The following SOX4 variants were observed in gnomAD, a reference collection of about 807,000 sequenced individuals.
SOX4 encodes the protein SRY-box transcription factor 4, also known as transcription factor SOX-4.
For missense variants in SOX4, 662 were observed against 694.9 expected, an observed-to-expected ratio of 0.95 and a Z score of 0.53; for synonymous variants, 465 against 348.4, an observed-to-expected ratio of 1.33 and a Z score of -3.73.
At position 21,595,043 on chromosome 6, in the gene SOX4, G is replaced by A; in HGVS notation, c.509G>A (p.Gly170Asp). 2.1e-6 allele frequency: 3 copies of A among 1,442,888 alleles called. No individual in the cohort carries two copies. Among genetic ancestry groups the A allele is most frequent in the Non-Finnish European group, 2.7e-6 (3 of 1,103,040 alleles). The allele number at this position is 1,442,888 out of a possible 1,614,324, so 89.4% of individuals were successfully genotyped here. A position where few individuals can be genotyped will look rare whatever the true frequency, so the allele number is the denominator to read the frequency against. The part of the protein sequence containing the change: ...GSGGGGHGGG[G>D]GGGSSNAGGG... The stretch of plus-strand genomic sequence containing the variant: ...GGCGGGGGCGGCCATGGGGGCGGCG[G>A]CGGCGGCGGGAGCAGCAACGCGGGG... Residue 170 changes from glycine (G) to aspartate (D), a missense_variant, in exon 1 of 1, where the codon GGC becomes GAC. Gly to Asp is a moderately conservative substitution (Grantham distance 94). Coordinates refer to ENST00000244745, the MANE Select transcript of SOX4 (RefSeq NM_003107.3).
rs1264513883 is a variant in SOX4, at chr6:21,594,532, G to T, written c.-3G>T. ...GCGCGTGGGCGCCCGCCGAGCCGAGGCCATGGTGCAGCAAACCAACAATGC... is the reference window on the plus strand; with the variant it reads ...GCGCGTGGGCGCCCGCCGAGCCGAGTCCATGGTGCAGCAAACCAACAATGC... On this transcript the variant is annotated 5_prime_UTR_variant, in exon 1 of 1. Transcript: ENST00000244745. 23 of 1,559,530 alleles carry T rather than the reference G, an allele frequency of 1.5e-5. No homozygotes were observed. The highest frequency in any genetic ancestry group is 1.9e-5 in the Non-Finnish European group (22 of 1,159,002).
At position 21,596,269 on chromosome 6, in the gene SOX4, CAAAA is replaced by C. The variant is rs796555280; in HGVS notation, c.*319_*322del. 4 of 149,486 alleles carry C rather than the reference CAAAA, an allele frequency of 2.7e-5. No homozygotes were observed. Among genetic ancestry groups the C allele is most frequent in the Non-Finnish European group, 4.6e-5 (3 of 65,728 alleles). The allele number at this position is 149,486 out of a possible 1,614,324, so 9.3% of individuals were successfully genotyped here. On this transcript the variant is annotated 3_prime_UTR_variant, in exon 1 of 1. Transcript: ENST00000244745. ...TTGTTATTGATGTTGTTGTTGATGGCAAAAAAAAAAAAGCGACTTCGAGTTTGCT... is the reference window on the plus strand; with the variant it reads ...TTGTTATTGATGTTGTTGTTGATGGCAAAAAAAAGCGACTTCGAGTTTGCT...
Position 21,596,186 on chromosome 6 carries a change from C to T in SOX4, c.*227C>T, listed in dbSNP as rs1763151405. The T allele has an allele frequency of 8.8e-6, 5 of 565,176 alleles. No homozygotes were observed. The highest frequency in any genetic ancestry group is 1.4e-5 in the Non-Finnish European group (5 of 357,368). The allele number at this position is 565,176 out of a possible 1,614,324, so 35.0% of individuals were successfully genotyped here. On this transcript the variant is annotated 3_prime_UTR_variant, in exon 1 of 1. Transcript: ENST00000244745. ...CACCTTCCCGGGCCGGGGACCCACT[C>T]TGCCCAGCCGGAGGGACGCGGAGGA...
In SOX4 at chr6:21,595,141, G is replaced by C; in HGVS notation, c.607G>C (p.Val203Leu). ...PAQKKSCGSK[V>L]AGGAGGGVSK... is the part of the protein sequence containing the mutation. ...GCAGAAAAAGAGCTGCGGCTCCAAA[G>C]TGGCGGGCGGCGCGGGCGGTGGGGT... The change falls in exon 1 of 1, where the codon GTG becomes CTG. Residue 203 changes from valine to leucine, a missense_variant. Coordinates refer to ENST00000244745, the MANE Select transcript of SOX4 (RefSeq NM_003107.3). The C allele has an allele frequency of 7.4e-7, 1 of 1,346,682 alleles. No individual in the cohort carries two copies. The highest frequency in any genetic ancestry group is 9.5e-7 in the Non-Finnish European group (1 of 1,057,348). 83.4% of individuals were successfully genotyped at this position (1,346,682 alleles called of 1,614,324 possible). A position where few individuals can be genotyped will look rare whatever the true frequency, so the allele number is the denominator to read the frequency against.
At position 21,596,549 on chromosome 6, in the gene SOX4, A is replaced by T. The variant is rs962474548; in HGVS notation, c.*590A>T. 6.0e-6 allele frequency: 1 copy of T among 166,966 alleles called. No individual in the cohort carries two copies. The highest frequency in any genetic ancestry group is 2.4e-5 in the African/African-American group (1 of 41,380). 10.3% of individuals were successfully genotyped at this position (166,966 alleles called of 1,614,324 possible). A position where few individuals can be genotyped will look rare whatever the true frequency, so the allele number is the denominator to read the frequency against. Reference sequence around the variant, plus strand: ...CGGGGTGACGAATTTGGCCGATGGCAGATGTTTTGGGGGAACGCCGGGACT... The same window carrying T: ...CGGGGTGACGAATTTGGCCGATGGCTGATGTTTTGGGGGAACGCCGGGACT... On this transcript the variant is annotated 3_prime_UTR_variant, in exon 1 of 1. Transcript: ENST00000244745.
Position 21,595,408 on chromosome 6 carries a change from A to G in SOX4, c.874A>G (p.Lys292Glu), listed in dbSNP as rs1269764904. ...CCCGGGCAAGCACCTGGCGGAGAAG[A>G]AGGTGAAGCGCGTCTACCTGTTCGG... The part of the protein sequence containing the change: ...AAPGKHLAEK[K>E]VKRVYLFGGL... Residue 292 changes from lysine to glutamate, a missense_variant, in exon 1 of 1, where the codon AAG becomes GAG. Transcript: ENST00000244745. 6 of 1,536,552 alleles carry G rather than the reference A, an allele frequency of 3.9e-6. No homozygotes were observed. Among genetic ancestry groups the G allele is most frequent in the Admixed American group, 3.8e-5 (2 of 52,776 alleles).
rs1763078794 is a variant in SOX4 at position 21,593,949 on chromosome 6, C to G, written c.-586C>G. 6.6e-6 allele frequency: 1 copy of G among 152,022 alleles called. No homozygotes were observed. The highest frequency in any genetic ancestry group is 2.4e-5 in the African/African-American group (1 of 41,394). The allele number at this position is 152,022 out of a possible 1,614,324, so 9.4% of individuals were successfully genotyped here. On this transcript the variant is annotated 5_prime_UTR_variant, in exon 1 of 1. Coordinates refer to ENST00000244745, the MANE Select transcript of SOX4 (RefSeq NM_003107.3). Reference sequence around the variant, plus strand: ...GCATGCAGGCTTTTTGGCTTCCTACCTTGCAACAAAATAATTGCACCAACT... The same window carrying G: ...GCATGCAGGCTTTTTGGCTTCCTACGTTGCAACAAAATAATTGCACCAACT...
rs765617011 is a variant in SOX4, at chr6:21,598,193, TATA to T, written c.*2237_*2239del. 1.6e-4 allele frequency: 27 copies of T among 167,130 alleles called. No individual in the cohort carries two copies. Among genetic ancestry groups the T allele is most frequent in the Non-Finnish European group, 3.5e-4 (24 of 68,106 alleles). The allele number at this position is 167,130 out of a possible 1,614,324, so 10.4% of individuals were successfully genotyped here. ...TTAATCCTTTCTACTTGTCGCTAAA[TATA>T]ATTGTTTTAGTCTTATGGCATGATG... is the stretch of plus-strand genomic sequence containing the variant. On this transcript the variant is annotated 3_prime_UTR_variant, in exon 1 of 1. Transcript: ENST00000244745.
At position 21,593,753 on chromosome 6, in the gene SOX4, T is replaced by G. The variant is rs1763072649; in HGVS notation, c.-782T>G. 1 of 152,380 alleles carries G rather than the reference T, an allele frequency of 6.6e-6. No individual in the cohort carries two copies. Among genetic ancestry groups the G allele is most frequent in the East Asian group, 1.9e-4 (1 of 5,180 alleles). 9.4% of individuals were successfully genotyped at this position (152,380 alleles called of 1,614,324 possible). A position where few individuals can be genotyped will look rare whatever the true frequency, so the allele number is the denominator to read the frequency against. On this transcript the variant is annotated 5_prime_UTR_variant, in exon 1 of 1. Coordinates refer to ENST00000244745, the MANE Select transcript of SOX4 (RefSeq NM_003107.3). ...GGCGCGAGGCGGAATTGGGGTCTGC[T>G]CTAAGCTGCAGCAAGAGAAACTGTG...
rs1171282012 is a variant in SOX4 at position 21,596,973 on chromosome 6, GAAAA to G, written c.*1018_*1021del. ...GCGAGTGGTTTCGGAAAAAAAAAAA[GAAAA>G]AAAGAAAAAAAAAGAAAAAAAAAAG... On this transcript the variant is annotated 3_prime_UTR_variant, in exon 1 of 1. Transcript: ENST00000244745. 3.2e-5 allele frequency: 5 copies of G among 154,170 alleles called. No individual in the cohort carries two copies. Among genetic ancestry groups the G allele is most frequent in the African/African-American group, 5.3e-5 (2 of 37,712 alleles). 9.6% of individuals were successfully genotyped at this position (154,170 alleles called of 1,614,324 possible). A position where few individuals can be genotyped will look rare whatever the true frequency, so the allele number is the denominator to read the frequency against.
Position 21,595,142 on chromosome 6 carries a change from T to G in SOX4, c.608T>G (p.Val203Gly). The G allele has an allele frequency of 7.5e-7, 1 of 1,328,206 alleles. No individual in the cohort carries two copies. 82.3% of individuals were successfully genotyped at this position (1,328,206 alleles called of 1,614,324 possible). The change falls in exon 1 of 1, where the codon GTG (valine) becomes GGG (glycine). Residue 203 changes from valine (V) to glycine (G), a missense_variant. Transcript: ENST00000244745. ...PAQKKSCGSK[V>G]AGGAGGGVSK... ...CAGAAAAAGAGCTGCGGCTCCAAAGTGGCGGGCGGCGCGGGCGGTGGGGTT... is the reference window on the plus strand; with the variant it reads ...CAGAAAAAGAGCTGCGGCTCCAAAGGGGCGGGCGGCGCGGGCGGTGGGGTT...
Position 21,595,734 on chromosome 6 carries a change from G to T in SOX4, c.1200G>T (p.Glu400Asp), listed in dbSNP as rs774829036. ...SSSGSSSSDD[E>D]FEDDLLDLNP... ...CGGGCTCCTCGTCCTCCGACGACGA[G>T]TTCGAAGACGACCTGCTCGACCTGA... The change falls in exon 1 of 1, where the codon GAG becomes GAT. Residue 400 changes from glutamate to aspartate, a missense_variant. Physicochemically the swap from Glu to Asp is conservative, Grantham distance 45 (BLOSUM62 2). Transcript: ENST00000244745. 4 of 1,612,540 alleles carry T rather than the reference G, an allele frequency of 2.5e-6. No homozygotes were observed. Among genetic ancestry groups the T allele is most frequent in the Non-Finnish European group, 3.4e-6 (4 of 1,179,670 alleles).
chr6:21,594,482 C>A lies in SOX4; in HGVS notation c.-53C>A. ...GAACCGGGAGGGCCCGGCGATCGCG[C>A]GGCGGCCGCCGCGAGGGTGTGAGCG... On this transcript the variant is annotated 5_prime_UTR_variant, in exon 1 of 1. Coordinates refer to ENST00000244745, the MANE Select transcript of SOX4 (RefSeq NM_003107.3). The A allele has an allele frequency of 1.5e-6, 2 of 1,356,696 alleles. No individual in the cohort carries two copies. The highest frequency in any genetic ancestry group is 1.9e-6 in the Non-Finnish European group (2 of 1,062,528). The allele number at this position is 1,356,696 out of a possible 1,614,324, so 84.0% of individuals were successfully genotyped here.
At position 21,597,041 on chromosome 6, in the gene SOX4, G is replaced by A. The variant is rs1487287924; in HGVS notation, c.*1082G>A. The A allele has an allele frequency of 6.0e-6, 1 of 166,812 alleles. No homozygotes were observed. The highest frequency in any genetic ancestry group is 6.6e-5 in the Admixed American group (1 of 15,258). 10.3% of individuals were successfully genotyped at this position (166,812 alleles called of 1,614,324 possible). Reference sequence around the variant, plus strand: ...CTTAATCGGAATCGTGATGGTGTTGGATTATTTCAATGGTGGGGTTAATAT... The same window carrying A: ...CTTAATCGGAATCGTGATGGTGTTGAATTATTTCAATGGTGGGGTTAATAT... On this transcript the variant is annotated 3_prime_UTR_variant, in exon 1 of 1. Transcript: ENST00000244745.
In SOX4 at chr6:21,598,182, T is replaced by G. The variant is rs1763212754; in HGVS notation, c.*2223T>G. 6.0e-6 allele frequency: 1 copy of G among 167,008 alleles called. No individual in the cohort carries two copies. The allele number at this position is 167,008 out of a possible 1,614,324, so 10.3% of individuals were successfully genotyped here. The stretch of plus-strand genomic sequence containing the variant: ...TATTTGACTATTTAATCCTTTCTAC[T>G]TGTCGCTAAATATAATTGTTTTAGT... On this transcript the variant is annotated 3_prime_UTR_variant, in exon 1 of 1. Transcript: ENST00000244745.
At position 21,595,324 on chromosome 6, in the gene SOX4, A is replaced by T; in HGVS notation, c.790A>T (p.Thr264Ser). 1 of 1,484,118 alleles carries T rather than the reference A, an allele frequency of 6.7e-7. No homozygotes were observed. Among genetic ancestry groups the T allele is most frequent in the Non-Finnish European group, 8.9e-7 (1 of 1,123,762 alleles). 91.9% of individuals were successfully genotyped at this position (1,484,118 alleles called of 1,614,324 possible). Residue 264 changes from threonine to serine, a missense_variant, in exon 1 of 1, where the codon ACT (threonine) becomes TCT (serine). Physicochemically the swap from Thr to Ser is moderately conservative, Grantham distance 58. Transcript: ENST00000244745. ...CCACCACTCGCTGTACAAGGCGCGG[A>T]CTCCCAGCGCCTCGGCCTCCGCCTC... is the stretch of plus-strand genomic sequence containing the variant. ...ADHHSLYKAR[T>S]PSASASASSA...
Position 21,593,867 on chromosome 6 carries a change from C to G in SOX4, c.-668C>G, listed in dbSNP as rs1561756318. ...GCACTGGAGGAACTCCTGCCATTAC[C>G]AGCTCCCTTCTTGCAGAAGGGAGGG... On this transcript the variant is annotated 5_prime_UTR_variant, in exon 1 of 1. Transcript: ENST00000244745. 1 of 152,084 alleles carries G rather than the reference C, an allele frequency of 6.6e-6. No individual in the cohort carries two copies. Among genetic ancestry groups the G allele is most frequent in the Non-Finnish European group, 1.5e-5 (1 of 68,022 alleles). The allele number at this position is 152,084 out of a possible 1,614,324, so 9.4% of individuals were successfully genotyped here. A position where few individuals can be genotyped will look rare whatever the true frequency, so the allele number is the denominator to read the frequency against.
At position 21,595,280 on chromosome 6, in the gene SOX4, C is replaced by T; in HGVS notation, c.746C>T (p.Pro249Leu). 1.4e-6 allele frequency: 2 copies of T among 1,403,358 alleles called. No homozygotes were observed. The highest frequency in any genetic ancestry group is 1.9e-6 in the Non-Finnish European group (2 of 1,078,224). The allele number at this position is 1,403,358 out of a possible 1,614,324, so 86.9% of individuals were successfully genotyped here. ...AEQAGAAALLPLGAAADHHSL... is the reference protein window; with the variant it reads ...AEQAGAAALLLLGAAADHHSL... Reference sequence around the variant, plus strand: ...CAGGCGGGGGCCGCCGCCCTGCTGCCCCTGGGCGCCGCCGCCGACCACCAC... The same window carrying T: ...CAGGCGGGGGCCGCCGCCCTGCTGCTCCTGGGCGCCGCCGCCGACCACCAC... Residue 249 changes from proline (P) to leucine (L), a missense_variant, in exon 1 of 1, where the codon CCC (proline) becomes CTC (leucine). Transcript: ENST00000244745.
At position 21,596,170 on chromosome 6, in the gene SOX4, G is replaced by T. The variant is rs989457753; in HGVS notation, c.*211G>T. 5.4e-6 allele frequency: 4 copies of T among 740,292 alleles called. No homozygotes were observed. The highest frequency in any genetic ancestry group is 5.9e-6 in the Non-Finnish European group (3 of 505,252). 45.9% of individuals were successfully genotyped at this position (740,292 alleles called of 1,614,324 possible). On this transcript the variant is annotated 3_prime_UTR_variant, in exon 1 of 1. Transcript: ENST00000244745. ...CCGCGCTCCCATCCCCCACCTTCCC[G>T]GGCCGGGGACCCACTCTGCCCAGCC...
Sources: allele counts gnomAD v4.1 joint callset, GRCh38; gene constraint gnomAD v4.1.1; transcripts MANE v1.5; gene names NCBI Gene and HGNC (gene_info 2026-07-23, HGNC 2026-07-21).